TLN1: variants seen among roughly 807,000 people sequenced by gnomAD.
TLN1 encodes talin 1, also known as talin-1.
TLN1 carries 56 observed loss-of-function variants against 292.3 expected under a neutral mutation model. The ratio of observed to expected loss-of-function variants is 0.19; its 90% confidence interval spans 0.15 to 0.24. The LOEUF (loss-of-function observed/expected upper bound fraction) is 0.24, where lower values mean the gene tolerates loss of function less well. Among genes scored for constraint, TLN1 ranks in the 10% least tolerant of loss-of-function variants. The probability of loss-of-function intolerance (pLI) is 1.00; values close to 1 mark genes in which losing one functional copy is unlikely to be tolerated. For synonymous variants in TLN1, 1,119 were observed against 1,253.7 expected (o/e 0.89, Z 2.27); for missense variants, 2,433 against 3,248.2 (o/e 0.75, Z 6.10).
Position 35,707,261 on chromosome 9 carries a change from GA to G in TLN1, c.4774-9del, listed in dbSNP as rs763065352. ...CTCCATGGCAGCCCGACCCTGGGGA[GA>G]GGGGAGGCAGGAAGGTAAGTCTCAG... On this transcript the variant is annotated splice_polypyrimidine_tract_variant and intron_variant, in intron 36 of 56. Transcript: ENST00000314888. The surrounding 1 kb of genome is among the most constrained non-coding windows in gnomAD (Gnocchi z 5.6). 4 of 1,603,476 alleles carry G rather than the reference GA, an allele frequency of 2.5e-6. No individual in the cohort carries two copies. Among genetic ancestry groups the G allele is most frequent in the Non-Finnish European group, 3.4e-6 (4 of 1,172,574 alleles).
Position 35,697,764 on chromosome 9 carries a change from G to A in TLN1, c.*27C>T. 6.2e-7 allele frequency: 1 copy of A among 1,612,874 alleles called. No individual in the cohort carries two copies. The highest frequency in any genetic ancestry group is 8.5e-7 in the Non-Finnish European group (1 of 1,179,456). On this transcript the variant is annotated 3_prime_UTR_variant, in exon 57 of 57. Coordinates refer to ENST00000314888, the MANE Select transcript of TLN1 (RefSeq NM_006289.4). ...AGTGGCACGCACAGTCTCTGGGCCG[G>A]GTCTGCATTAAATAGAAGAGGCTTC...
intron 1 of TLN1, among the ~76,000 whole-genome samples, chr9:35,728,374 TC>T (rs1826014554): frequency 6.6e-6 from 1 of 152,008 alleles, no homozygotes; most frequent in South Asian, 2.1e-4. Flanking sequence ...GGCCTCTGAG[TC>T]CGCAACCGCT....
chr9:35,714,700 A>T lies in TLN1; in HGVS notation c.2872-13T>A, dbSNP rs113809521. The T allele has an allele frequency of 2.3e-3, 3,677 of 1,613,742 alleles. 9 individuals are homozygous for T. Among genetic ancestry groups the T allele is most frequent in the African/African-American group, 0.013 (941 of 75,018 alleles). On this transcript the variant is annotated splice_polypyrimidine_tract_variant and intron_variant, in intron 22 of 56. Transcript: ENST00000314888. The surrounding 1 kb of genome is among the most constrained non-coding windows in gnomAD (Gnocchi z 4.6). ...GCTCTGCCACTGCCTGTAGGTGAAA[A>T]TGTCATAAGAGACCCACAAGTCTCC...
intron 9 of TLN1, 129 bp from the exon 10 acceptor site, chr9:35,721,932 G>T: frequency 7.6e-7 from 1 of 1,313,714 alleles, no homozygotes. Context: ...GAAAATGCAG[G>T]GTAGGGAGGG....
chr9:35,718,389 C>A (rs1050307887), intron 17 of TLN1, among the ~76,000 whole-genome samples: 1 of 152,208 alleles, frequency 6.6e-6, no homozygotes, highest in African/African-American at 2.4e-5. Flanking sequence ...GAACCCCAGC[C>A]CCTCTGGATG....
At position 35,720,520 on chromosome 9, in the gene TLN1, G is replaced by C; in HGVS notation, c.1207-11C>G. The C allele has an allele frequency of 6.2e-7, 1 of 1,612,978 alleles. No homozygotes were observed. Among genetic ancestry groups the C allele is most frequent in the South Asian group, 1.1e-5 (1 of 90,998 alleles). ...ATCCTTGCTTTTTTTCTGTAGGAAG[G>C]AAAAAGGAACAAGAGTTGGGATAGT... is the stretch of plus-strand genomic sequence containing the variant. On this transcript the variant is annotated splice_polypyrimidine_tract_variant and intron_variant, in intron 11 of 56. Transcript: ENST00000314888.
At position 35,714,487 on chromosome 9, in the gene TLN1, G is replaced by A; in HGVS notation, c.2985+87C>T. 6.3e-7 allele frequency: 1 copy of A among 1,581,198 alleles called. No individual in the cohort carries two copies. The highest frequency in any genetic ancestry group is 8.6e-7 in the Non-Finnish European group (1 of 1,166,784). ...ACTGGGGCTTGGTATTGGGAAAGAG[G>A]CTCTTGGCAGAGATTCAAACTGTGG... On this transcript the variant is annotated intron_variant, in intron 23 of 56. Transcript: ENST00000314888. This position sits in a 1 kb window ranked among gnomAD's most constrained non-coding sequence, Gnocchi z 4.6.
At chr9:35,723,896 G>A in intron 7 of TLN1, 56 bp downstream of exon 7, 7 of 1,601,990 alleles carry the variant, frequency 4.4e-6, no homozygotes, top group Non-Finnish European at 6.0e-6. Flanking sequence ...GCCCACTGGG[G>A]TCACAATGGC....
Position 35,724,164 on chromosome 9 carries a change from C to T in TLN1, c.654+28G>A. 2 of 1,614,008 alleles carry T rather than the reference C, an allele frequency of 1.2e-6. No homozygotes were observed. Among genetic ancestry groups the T allele is most frequent in the Non-Finnish European group, 1.7e-6 (2 of 1,179,896 alleles). ...TGCTTCCGAGCCCTCCCTATTCCTG[C>T]CCCACCCCAGCCAAGTCCTCTGCAT... On this transcript the variant is annotated intron_variant, in intron 6 of 56. Coordinates refer to ENST00000314888, the MANE Select transcript of TLN1 (RefSeq NM_006289.4). The surrounding 1 kb of genome is among the most constrained non-coding windows in gnomAD (Gnocchi z 4.7).
chr9:35,704,596 G>A lies in TLN1; in HGVS notation c.5880+73C>T, dbSNP rs1219995282. ...AAGTGACAACAGGAGAGGGCTGAGA[G>A]GGCTGGAGGAGGATGGCAAAGGCTA... On this transcript the variant is annotated intron_variant, in intron 44 of 56. Coordinates refer to ENST00000314888, the MANE Select transcript of TLN1 (RefSeq NM_006289.4). The surrounding 1 kb of genome is among the most constrained non-coding windows in gnomAD (Gnocchi z 6.9). 7.5e-6 allele frequency: 12 copies of A among 1,597,280 alleles called. No homozygotes were observed. The East Asian group carries it at 2.0e-4, about 27-fold the overall frequency.
Position 35,714,115 on chromosome 9 carries a change from T to C in TLN1, c.3121-34A>G, listed in dbSNP as rs780465925. ...AGAAAGGGGTTTTGGGTGTAGAAGG[T>C]CCTGCTGTGTCTCACCAATGCCTCT... On this transcript the variant is annotated intron_variant, in intron 24 of 56. Coordinates refer to ENST00000314888, the MANE Select transcript of TLN1 (RefSeq NM_006289.4). The surrounding 1 kb of genome is among the most constrained non-coding windows in gnomAD (Gnocchi z 4.6). 64 of 1,611,086 alleles carry C rather than the reference T, an allele frequency of 4.0e-5. No individual in the cohort carries two copies. Among genetic ancestry groups the C allele is most frequent in the Non-Finnish European group, 5.4e-5 (64 of 1,177,446 alleles).
chr9:35,722,296 C>A, intron 8 of TLN1, 73 bp from the exon 9 acceptor site: 1 of 1,303,992 alleles, frequency 7.7e-7, no homozygotes, highest in South Asian at 1.2e-5. Context: ...TGGATGCTAA[C>A]TCTAACGAGA....
chr9:35,722,059 G>A lies in TLN1; in HGVS notation c.948+60C>T, dbSNP rs80241802. 3,339 of 1,496,274 alleles carry A rather than the reference G, an allele frequency of 2.2e-3. 8 individuals carry two copies. Among genetic ancestry groups the A allele is most frequent in the Non-Finnish European group, 2.7e-3 (2,915 of 1,073,288 alleles). The allele number at this position is 1,496,274 out of a possible 1,614,324, so 92.7% of individuals were successfully genotyped here. A position where few individuals can be genotyped will look rare whatever the true frequency, so the allele number is the denominator to read the frequency against. On this transcript the variant is annotated intron_variant, in intron 9 of 56. Transcript: ENST00000314888. ...CTGAGGGCAAGGCCAGAGACTTTCA[G>A]AGACAGAAAAGGGCAAGAGTGGGAA...
At chr9:35,723,738 G>A (rs1449734904) in intron 7 of TLN1, 1 of 621,956 alleles carries the variant, frequency 1.6e-6, no homozygotes. Context: ...TCAGAGATGG[G>A]GGTAGGGGCA....
At position 35,702,770 on chromosome 9, in the gene TLN1, C is replaced by T. The variant is rs563283441; in HGVS notation, c.6474+790G>A. 3.9e-5 allele frequency among the ~76,000 whole-genome samples: 6 copies of T among 152,164 alleles called. No individual in the cohort carries two copies. In the South Asian group the frequency reaches 1.2e-3, roughly 32 times the overall value. On this transcript the variant is annotated intron_variant, in intron 48 of 56. Transcript: ENST00000314888. ...CCTCCCAAAGTGCTGGGATTACACC[C>T]GCTGGCCTCCCAAAGTGCTGGCGTG...
In TLN1 at chr9:35,729,586, TAGA is replaced by T. The variant is rs142211537; in HGVS notation, c.-34+2486_-34+2488del. Among the ~76,000 whole-genome samples, 380 of 152,328 alleles carry T rather than the reference TAGA, an allele frequency of 2.5e-3. 2 individuals are homozygous for T. Among genetic ancestry groups the T allele is most frequent in the African/African-American group, 4.2e-3 (176 of 41,568 alleles). ...TCTGGCAGTTACCTTGGAGATTAGT[TAGA>T]AGGACACTGTATTAGTACAAATTAA... On this transcript the variant is annotated intron_variant, in intron 1 of 56. Transcript: ENST00000314888.
chr9:35,712,196 G>T, intron 27 of TLN1, 72 bp from the exon 28 acceptor site: 1 of 1,531,718 alleles, frequency 6.5e-7, no homozygotes, highest in Non-Finnish European at 8.8e-7. Context: ...CACGCGACAT[G>T]GGAGATGACT....
chr9:35,717,188 G>A lies in TLN1; in HGVS notation c.2416C>T (p.Leu806=), dbSNP rs754056540. The change falls in exon 19 of 57, where the codon CTA becomes TTA. Residue 806 remains leucine (L), a synonymous_variant. Transcript: ENST00000314888. The surrounding 1 kb of genome is among the most constrained non-coding windows in gnomAD (Gnocchi z 4.7). ...CTAAAGATGTTCTCAGTGACGGTTA[G>A]GATGGTGTCAGTAGCCTGGTCATAA... ...GRYDQATDTI[L]TVTENIFSSM... The A allele has an allele frequency of 6.2e-7, 1 of 1,612,190 alleles. No homozygotes were observed. Among genetic ancestry groups the A allele is most frequent in the Non-Finnish European group, 8.5e-7 (1 of 1,178,286 alleles).
At chr9:35,727,729 G>A (rs980056817) in intron 1 of TLN1, among the ~76,000 whole-genome samples, 2 of 152,182 alleles carry the variant, frequency 1.3e-5, no homozygotes, top group African/African-American at 4.8e-5. Flanking sequence ...AAGCAGGACT[G>A]AAAGGACCCT....
Sources: allele counts gnomAD v4.1 joint callset (sites outside exome capture counted in the v4.1 genomes callset), GRCh38; gene constraint gnomAD v4.1.1; non-coding constraint Gnocchi (gnomAD v3.1); transcripts MANE v1.5; gene names NCBI Gene and HGNC (gene_info 2026-07-23, HGNC 2026-07-21).